The following NDUFS2 variants were observed in gnomAD, a reference collection of about 807,000 sequenced individuals.
The protein encoded by NDUFS2 is NADH:ubiquinone oxidoreductase core subunit S2.
In NDUFS2, 38 loss-of-function variants were observed where a neutral mutation model predicts 69.6. The observed-to-expected ratio is 0.55, with a 90% CI of 0.42 to 0.72. The LOEUF (loss-of-function observed/expected upper bound fraction) is 0.72, where lower values mean the gene tolerates loss of function less well. Among genes scored for constraint, NDUFS2 ranks in the 30% least tolerant of loss-of-function variants. The probability of loss-of-function intolerance (pLI) is 0.00; values close to 1 mark genes in which losing one functional copy is unlikely to be tolerated. For synonymous variants in NDUFS2, 194 were observed against 211.2 expected (o/e 0.92, Z 0.70); for missense variants, 468 against 595.0 (o/e 0.79, Z 2.22).
chr1:161,211,122 G>A (rs958465311), intron 9 of NDUFS2, among the ~76,000 whole-genome samples: 13 of 152,136 alleles, frequency 8.5e-5, no homozygotes, highest in African/African-American at 1.2e-4. Flanking sequence ...TGATCTACCC[G>A]CCTCGGCCTC....
chr1:161,212,641 C>G (rs999490435), intron 10 of NDUFS2, 161 bp downstream of exon 10: 8 of 830,558 alleles, frequency 9.6e-6, no homozygotes, highest in African/African-American at 1.7e-5. Flanking sequence ...CTAACTGCAA[C>G]CTCCGCCTCC....
chr1:161,213,061 C>T (rs1177430150), intron 10 of NDUFS2: 9 of 350,770 alleles, frequency 2.6e-5, no homozygotes, highest in Non-Finnish European at 4.4e-5. Flanking sequence ...CCCACCACCA[C>T]GCCCAGCTAA....
Position 161,210,626 on chromosome 1 carries a change from A to T in NDUFS2, c.902A>T (p.Asp301Val), listed in dbSNP as rs1558085638. Residue 301 changes from aspartate to valine, a missense_variant, in exon 9 of 14, where the codon GAC (aspartate) becomes GTC (valine). Coordinates refer to ENST00000676972, the MANE Select transcript of NDUFS2 (RefSeq NM_001377299.1). ...VMLRGSGIQW[D>V]LRKTQPYDVY... ...CTTCGGGGCTCAGGCATCCAGTGGG[A>T]CCTGCGGAAGACCCAGCCCTATGAT... 1.4e-5 allele frequency: 22 copies of T among 1,613,920 alleles called. No homozygotes were observed. The highest frequency in any genetic ancestry group is 1.9e-5 in the Non-Finnish European group (22 of 1,180,008).
chr1:161,213,449 A>G lies in NDUFS2; in HGVS notation c.1186A>G (p.Thr396Ala). ...GGGCTACCAAGTTCCTCCAGGAGCC[A>G]CATATACTGCCATTGAGGCTCCCAA... is the stretch of plus-strand genomic sequence containing the variant. ...TEGYQVPPGATYTAIEAPKGE... is the reference protein window; with the variant it reads ...TEGYQVPPGAAYTAIEAPKGE... Residue 396 changes from threonine (T) to alanine (A), a missense_variant, in exon 11 of 14, where the codon ACA becomes GCA. Thr to Ala is a moderately conservative substitution (Grantham distance 58). Coordinates refer to ENST00000676972, the MANE Select transcript of NDUFS2 (RefSeq NM_001377299.1). 9 of 1,610,848 alleles carry G rather than the reference A, an allele frequency of 5.6e-6. No homozygotes were observed. The highest frequency in any genetic ancestry group is 7.6e-6 in the Non-Finnish European group (9 of 1,178,056).
upstream of NDUFS2, chr1:161,202,366 C>T (rs201554004): frequency 3.6e-3 from 5,714 of 1,604,632 alleles, 12 homozygotes; most frequent in Non-Finnish European, 4.5e-3. Context: ...CTCCTTCCCG[C>T]AGTCTGCAGC....
intron 3 of NDUFS2, 113 bp from the exon 4 acceptor site, chr1:161,209,080 G>C (rs1665628809): frequency 7.0e-7 from 1 of 1,436,572 alleles, no homozygotes; most frequent in African/African-American, 1.4e-5. Context: ...CCTGAGACTA[G>C]AAAGGCTTAT....
At chr1:161,212,609 C>A in intron 10 of NDUFS2, 129 bp downstream of exon 10, 1 of 1,268,770 alleles carries the variant, frequency 7.9e-7, no homozygotes, top group Non-Finnish European at 1.1e-6. Context: ...CTCTTATTGC[C>A]CAGACTGGAG....
intron 4 of NDUFS2, 23 bp from the exon 5 acceptor site, chr1:161,209,460 C>G: frequency 6.2e-7 from 1 of 1,612,280 alleles, no homozygotes; most frequent in Non-Finnish European, 8.5e-7. Context: ...CTCCTATATC[C>G]TGTCTTCTCC....
chr1:161,198,660 C>T (rs750014155), upstream of NDUFS2: 14 of 1,459,664 alleles, frequency 9.6e-6, no homozygotes, highest in Non-Finnish European at 1.3e-5. This position sits in a 1 kb window ranked among gnomAD's most constrained non-coding sequence, Gnocchi z 4.7. Flanking sequence ...GGGACTGAGG[C>T]CGTCTAGGGC....
chr1:161,205,358 G>T (rs1195961327), intron 2 of NDUFS2, among the ~76,000 whole-genome samples: 1 of 152,156 alleles, frequency 6.6e-6, no homozygotes, highest in East Asian at 1.9e-4. Context: ...CCCAATAAGA[G>T]TTCCATGGAT....
At chr1:161,206,269 T>G in intron 2 of NDUFS2, 138 bp from the exon 3 acceptor site, 1 of 871,822 alleles carries the variant, frequency 1.1e-6, no homozygotes, top group Non-Finnish European at 1.9e-6. Flanking sequence ...CTCTTCCTGG[T>G]TATAGTGGAG....
chr1:161,208,020 T>C (rs1188710501), intron 3 of NDUFS2, among the ~76,000 whole-genome samples: 1 of 148,334 alleles, frequency 6.7e-6, no homozygotes, highest in East Asian at 2.0e-4. Context: ...GTTTCACTCT[T>C]GTTGCCCAGG....
upstream of NDUFS2, chr1:161,198,114 A>G (rs756741155): frequency 2.4e-5 from 39 of 1,613,746 alleles, no homozygotes; most frequent in Non-Finnish European, 3.1e-5. The surrounding 1 kb of genome is among the most constrained non-coding windows in gnomAD (Gnocchi z 4.7). Context: ...CCCCCAGCAG[A>G]GTTAGGGGTG....
At position 161,213,712 on chromosome 1, in the gene NDUFS2, G is replaced by C. The variant is rs186476170; in HGVS notation, c.1276G>C (p.Ala426Pro). The change falls in exon 12 of 14, where the codon GCT becomes CCT. Residue 426 changes from alanine to proline, a missense_variant. Physicochemically the swap from Ala to Pro is conservative, Grantham distance 27. This residue lies in a region of NDUFS2 where 72 missense variants were observed against 118.9 expected (regional missense o/e 0.61). Coordinates refer to ENST00000676972, the MANE Select transcript of NDUFS2 (RefSeq NM_001377299.1). ...CCGCCCTTATCGATGCAAGATCAAGGCTCCTGGTTTTGCCCATCTGGTAAG... is the reference window on the plus strand; with the variant it reads ...CCGCCCTTATCGATGCAAGATCAAGCCTCCTGGTTTTGCCCATCTGGTAAG... ...SSRPYRCKIKAPGFAHLAGLD... is the reference protein window; with the variant it reads ...SSRPYRCKIKPPGFAHLAGLD... 11 of 1,614,168 alleles carry C rather than the reference G, an allele frequency of 6.8e-6. No homozygotes were observed. Among genetic ancestry groups the C allele is most frequent in the African/African-American group, 2.7e-5 (2 of 75,030 alleles).
upstream of NDUFS2, among the ~76,000 whole-genome samples, chr1:161,201,262 C>T (rs1420328111): frequency 6.6e-6 from 1 of 152,252 alleles, no homozygotes; most frequent in Non-Finnish European, 1.5e-5. Context: ...TGGCTTTCCC[C>T]TCTTTCTCTG....
chr1:161,202,099 A>T, upstream of NDUFS2: 1 of 514,472 alleles, frequency 1.9e-6, no homozygotes, highest in Non-Finnish European at 3.5e-6. Flanking sequence ...GAGAGCACGA[A>T]GTATCTGCCC....
rs777400674 is a variant in NDUFS2, at chr1:161,212,351, G to A, written c.987G>A (p.Arg329=). The part of the protein sequence containing the change: ...PVGSRGDCYD[R]YLCRVEEMRQ... ...TCTTGCTCTGTCTCATCTTCTTGAG[G>A]TACCTGTGCCGGGTGGAGGAGATGC... is the stretch of plus-strand genomic sequence containing the variant. Residue 329 remains arginine, a splice_region_variant and synonymous_variant, in exon 10 of 14, where the codon AGG becomes AGA. Transcript: ENST00000676972. 5.0e-6 allele frequency: 8 copies of A among 1,613,308 alleles called. No individual in the cohort carries two copies. The highest frequency in any genetic ancestry group is 5.9e-6 in the Non-Finnish European group (7 of 1,179,542).
intron 4 of NDUFS2, 69 bp from the exon 5 acceptor site, chr1:161,209,414 C>A: frequency 6.2e-7 from 1 of 1,608,440 alleles, no homozygotes; most frequent in Non-Finnish European, 8.5e-7. Context: ...AGACCCCAGG[C>A]TCTGCCCAGA....
intron 3 of NDUFS2, among the ~76,000 whole-genome samples, chr1:161,208,058 C>G (rs1212231990): frequency 1.4e-5 from 2 of 143,948 alleles, no homozygotes; most frequent in Non-Finnish European, 3.0e-5. Flanking sequence ...GATCTTGGCT[C>G]ACTGCAAACT....
Sources: gnomAD v4.1 joint callset for allele counts (sites outside exome capture counted in the v4.1 genomes callset) on GRCh38, gnomAD v4.1.1 for gene constraint, gnomAD v4.1.1 regional missense constraint, Gnocchi (gnomAD v3.1) non-coding constraint, MANE v1.5 for transcripts, NCBI Gene and HGNC (gene_info 2026-07-23, HGNC 2026-07-21) for gene names.